The following MMP14 variants were observed in gnomAD, a reference collection of about 807,000 sequenced individuals.
MMP14 encodes the protein matrix metallopeptidase 14.
MMP14 carries 13 observed loss-of-function variants against 64.8 expected under a neutral mutation model. The ratio of observed to expected loss-of-function variants is 0.20; its 90% confidence interval spans 0.13 to 0.32. MMP14 has a LOEUF of 0.32. MMP14 is among the 10% of genes least tolerant of loss of function. MMP14 has a pLI of 1.00. For synonymous variants in MMP14, 322 were observed against 315.9 expected, an observed-to-expected ratio of 1.02 and a Z score of -0.20; for missense variants, 594 against 783.8, an observed-to-expected ratio of 0.76 and a Z score of 2.89.
In MMP14 at chr14:22,843,588, T is replaced by A; in HGVS notation, c.851-122T>A. The A allele has an allele frequency of 7.1e-7, 1 of 1,398,640 alleles. No individual in the cohort carries two copies. The highest frequency in any genetic ancestry group is 9.8e-7 in the Non-Finnish European group (1 of 1,025,412). The allele number at this position is 1,398,640 out of a possible 1,614,324, so 86.6% of individuals were successfully genotyped here. On this transcript the variant is annotated intron_variant, in intron 5 of 9. Transcript: ENST00000311852. The surrounding 1 kb of genome is among the most constrained non-coding windows in gnomAD (Gnocchi z 4.8). ...ATCTTTTGTGTCGCCTCCCAGTTGGTTGCTTCAGCCTCCCCTAGAAGCCCA... is the reference window on the plus strand; with the variant it reads ...ATCTTTTGTGTCGCCTCCCAGTTGGATGCTTCAGCCTCCCCTAGAAGCCCA...
At chr14:22,841,802 T>C (rs2039774874) in intron 2 of MMP14, 111 bp from the exon 3 acceptor site, 1 of 1,563,972 alleles carries the variant, frequency 6.4e-7, no homozygotes, top group Non-Finnish European at 8.7e-7. Context: ...CTCATAACCT[T>C]GGCCTTTCCC....
chr14:22,843,766 C>G lies in MMP14; in HGVS notation c.907C>G (p.Pro303Ala). The change falls in exon 6 of 10, where the codon CCT (proline) becomes GCT (alanine). Residue 303 changes from proline (P) to alanine (A), a missense_variant. Pro to Ala is a conservative substitution (Grantham distance 27). This residue lies in a region of MMP14 where 364 missense variants were observed against 425.2 expected (regional missense o/e 0.86). Coordinates refer to ENST00000311852, the MANE Select transcript of MMP14 (RefSeq NM_004995.4). This position sits in a 1 kb window ranked among gnomAD's most constrained non-coding sequence, Gnocchi z 4.8. ...MPPQPRTTSR[P>A]SVPDKPKNPT... ...CCCTCAACCCAGGACTACCTCCCGGCCTTCTGTTCCTGATAAACCCAAAAA... is the reference window on the plus strand; with the variant it reads ...CCCTCAACCCAGGACTACCTCCCGGGCTTCTGTTCCTGATAAACCCAAAAA... The G allele has an allele frequency of 6.2e-7, 1 of 1,613,132 alleles. No homozygotes were observed. Among genetic ancestry groups the G allele is most frequent in the South Asian group, 1.1e-5 (1 of 90,948 alleles).
At chr14:22,840,594 C>T (rs1417941748) in intron 1 of MMP14, among the ~76,000 whole-genome samples, 1 of 151,928 alleles carries the variant, frequency 6.6e-6, no homozygotes, top group Non-Finnish European at 1.5e-5. Context: ...CTGCAAGCTC[C>T]GCCTCCTGCG....
At chr14:22,837,137 C>T in intron 1 of MMP14, 1 of 689,390 alleles carries the variant, frequency 1.5e-6, no homozygotes, top group Non-Finnish European at 2.7e-6. Flanking sequence ...TGCCCCCACC[C>T]CCTGCGCCGC....
Position 22,843,666 on chromosome 14 carries a change from G to T in MMP14, c.851-44G>T, listed in dbSNP as rs2236306. 8.3e-6 allele frequency: 13 copies of T among 1,560,938 alleles called. No homozygotes were observed. Among genetic ancestry groups the T allele is most frequent in the East Asian group, 2.3e-5 (1 of 44,000 alleles). ...CCCATCTGTCTGTCCTTCCGTCCCCGCCTCCTCCTAAGTCTGAAATGCCCC... is the reference window on the plus strand; with the variant it reads ...CCCATCTGTCTGTCCTTCCGTCCCCTCCTCCTCCTAAGTCTGAAATGCCCC... On this transcript the variant is annotated intron_variant, in intron 5 of 9. Coordinates refer to ENST00000311852, the MANE Select transcript of MMP14 (RefSeq NM_004995.4). This position sits in a 1 kb window ranked among gnomAD's most constrained non-coding sequence, Gnocchi z 4.8.
rs116546626 is a variant in MMP14, at chr14:22,844,288, A to G, written c.1012-83A>G. On this transcript the variant is annotated intron_variant, in intron 6 of 9. Transcript: ENST00000311852. ...TAAAAACTAAAACTGAGGAACAAACAGCAGTGCGGGAGCTTTGGGGACTGA... is the reference window on the plus strand; with the variant it reads ...TAAAAACTAAAACTGAGGAACAAACGGCAGTGCGGGAGCTTTGGGGACTGA... 9.5e-4 allele frequency: 1,487 copies of G among 1,565,670 alleles called. 17 individuals are homozygous for G. In the African/African-American group the frequency reaches 0.018, roughly 19 times the overall value.
intron 1 of MMP14, 116 bp downstream of exon 1, chr14:22,837,041 G>T: frequency 1.3e-6 from 1 of 776,966 alleles, no homozygotes; most frequent in Non-Finnish European, 2.2e-6. Context: ...CCGCTGCTCA[G>T]GCCTGCAGGA....
intron 1 of MMP14, among the ~76,000 whole-genome samples, chr14:22,839,597 G>T (rs17879659): frequency 9.7e-4 from 147 of 152,258 alleles, no homozygotes; most frequent in African/African-American, 2.9e-3. Context: ...ATCAGCCTTG[G>T]GGGGGGATCA....
Position 22,845,338 on chromosome 14 carries a change from C to T in MMP14, c.1389C>T (p.Pro463=). ...IKVWEGIPES[P]RGSFMGSDEV... The stretch of plus-strand genomic sequence containing the variant: ...TCTGGGAAGGGATCCCTGAGTCTCC[C>T]AGAGGGTCATTCATGGGCAGCGATG... The change falls in exon 9 of 10, where the codon CCC becomes CCT. Residue 463 remains proline, a synonymous_variant. Coordinates refer to ENST00000311852, the MANE Select transcript of MMP14 (RefSeq NM_004995.4). The T allele has an allele frequency of 6.2e-7, 1 of 1,611,780 alleles. No homozygotes were observed. The highest frequency in any genetic ancestry group is 8.5e-7 in the Non-Finnish European group (1 of 1,178,866).
rs2236307 is a variant in MMP14 at position 22,843,714 on chromosome 14, T to C, written c.855T>C (p.Gly285=). 340,436 of 1,585,932 alleles carry C rather than the reference T, an allele frequency of 0.21. 38,274 individuals carry two copies. Among genetic ancestry groups the C allele is most frequent in the East Asian group, 0.38 (17,068 of 44,462 alleles). The change falls in exon 6 of 10, where the codon GGT becomes GGC. Residue 285 remains glycine, a synonymous_variant. Transcript: ENST00000311852. This position sits in a 1 kb window ranked among gnomAD's most constrained non-coding sequence, Gnocchi z 4.8. ...DRRGIQQLYG[G]ESGFPTKMPP... The stretch of plus-strand genomic sequence containing the variant: ...CCCTCGTGTTTTCTGCCCCAGGGGG[T>C]GAGTCAGGGTTCCCCACCAAGATGC...
chr14:22,838,740 C>G (rs916561399), intron 1 of MMP14, among the ~76,000 whole-genome samples: 2 of 152,270 alleles, frequency 1.3e-5, no homozygotes, highest in Middle Eastern at 3.4e-3. Context: ...CCTCTCCTCC[C>G]CATGGCCTGT....
chr14:22,842,884 C>T lies in MMP14; in HGVS notation c.688+167C>T, dbSNP rs568596821. Among the ~76,000 whole-genome samples the T allele has an allele frequency of 3.3e-5, 5 of 152,082 alleles. No individual in the cohort carries two copies. Among genetic ancestry groups the T allele is most frequent in the African/African-American group, 9.7e-5 (4 of 41,400 alleles). On this transcript the variant is annotated intron_variant, in intron 4 of 9. Coordinates refer to ENST00000311852, the MANE Select transcript of MMP14 (RefSeq NM_004995.4). This position sits in a 1 kb window ranked among gnomAD's most constrained non-coding sequence, Gnocchi z 5.3. ...CCTGTTTGAGCTATTTACATCTGGTCCCCCCTCTCACCCACTGACTGGCTT... is the reference window on the plus strand; with the variant it reads ...CCTGTTTGAGCTATTTACATCTGGTTCCCCCTCTCACCCACTGACTGGCTT...
At chr14:22,839,009 C>T (rs1228355647) in intron 1 of MMP14, among the ~76,000 whole-genome samples, 3 of 152,186 alleles carry the variant, frequency 2.0e-5, no homozygotes, top group African/African-American at 7.2e-5. Flanking sequence ...GCTTCTTGAA[C>T]GACTCCAGAG....
rs773882324 is a variant in MMP14 at position 22,843,437 on chromosome 14, C to T, written c.850+19C>T. On this transcript the variant is annotated intron_variant, in intron 5 of 9. Coordinates refer to ENST00000311852, the MANE Select transcript of MMP14 (RefSeq NM_004995.4). This position sits in a 1 kb window ranked among gnomAD's most constrained non-coding sequence, Gnocchi z 4.8. ...CTTTATGGCGAGTAGTCTACACCCACGCCTGCTCCCTCCTCTGCTGCTTGT... is the reference window on the plus strand; with the variant it reads ...CTTTATGGCGAGTAGTCTACACCCATGCCTGCTCCCTCCTCTGCTGCTTGT... 3.7e-5 allele frequency: 59 copies of T among 1,604,082 alleles called. No individual in the cohort carries two copies. The East Asian group carries it at 5.1e-4, about 14-fold the overall frequency.
At position 22,842,575 on chromosome 14, in the gene MMP14, C is replaced by G. The variant is rs1473138788; in HGVS notation, c.546C>G (p.Ala182=). 1.2e-6 allele frequency: 2 copies of G among 1,614,082 alleles called. No individual in the cohort carries two copies. Among genetic ancestry groups the G allele is most frequent in the South Asian group, 1.1e-5 (1 of 91,092 alleles). The stretch of plus-strand genomic sequence containing the variant: ...AGGCCGACATCATGATCTTCTTTGC[C>G]GAGGGCTTCCATGGCGACAGCACGC... ...EKQADIMIFF[A]EGFHGDSTPF... Residue 182 remains alanine (A), a synonymous_variant, in exon 4 of 10, where the codon GCC becomes GCG. Coordinates refer to ENST00000311852, the MANE Select transcript of MMP14 (RefSeq NM_004995.4). This position sits in a 1 kb window ranked among gnomAD's most constrained non-coding sequence, Gnocchi z 5.3.
intron 2 of MMP14, 27 bp downstream of exon 2, chr14:22,841,666 C>A: frequency 6.2e-7 from 1 of 1,612,936 alleles, no homozygotes; most frequent in South Asian, 1.1e-5. Flanking sequence ...GGCAGGAGTT[C>A]TGCCTAGCAT....
intron 7 of MMP14, 30 bp from the exon 8 acceptor site, chr14:22,844,600 A>C (rs768038728): frequency 5.6e-6 from 9 of 1,613,732 alleles, no homozygotes; most frequent in Non-Finnish European, 7.6e-6. Context: ...CCTAAGTTGA[A>C]CCCAGACGTT....
At chr14:22,844,327 G>A (rs747160742) in intron 6 of MMP14, 44 bp from the exon 7 acceptor site, 13 of 1,609,168 alleles carry the variant, frequency 8.1e-6, no homozygotes, top group Non-Finnish European at 1.1e-5. Flanking sequence ...AGAGACCTAG[G>A]CCGCAAGACA....
chr14:22,845,487 C>T, intron 9 of MMP14, 121 bp downstream of exon 9: 1 of 867,844 alleles, frequency 1.2e-6, no homozygotes, highest in Non-Finnish European at 1.8e-6. Flanking sequence ...ATACCACATA[C>T]CAGGCGCTGG....
Sources: gnomAD v4.1 joint callset for allele counts (sites outside exome capture counted in the v4.1 genomes callset) on GRCh38, gnomAD v4.1.1 for gene constraint, gnomAD v4.1.1 regional missense constraint, Gnocchi (gnomAD v3.1) non-coding constraint, MANE v1.5 for transcripts, NCBI Gene and HGNC (gene_info 2026-07-23, HGNC 2026-07-21) for gene names.